SH2B3: variants seen among roughly 807,000 people sequenced by gnomAD.
SH2B3 encodes the protein SH2B adaptor protein 3.
A neutral mutation model predicts 51.9 loss-of-function variants in SH2B3; 43 were observed. The observed-to-expected ratio is 0.83, with a 90% CI of 0.65 to 1.07. SH2B3 has a LOEUF of 1.07. Ranked by LOEUF, SH2B3 falls within the 50% of genes least tolerant of loss-of-function variation. SH2B3 has a pLI of 0.00. For missense variants in SH2B3, 952 were observed against 834.3 expected (o/e 1.14, Z -1.74); for synonymous variants, 396 against 376.0 (o/e 1.05, Z -0.62).
intron 2 of SH2B3, among the ~76,000 whole-genome samples, chr12:111,437,995 G>A (rs367602572): frequency 4.6e-5 from 7 of 152,278 alleles, no homozygotes; most frequent in South Asian, 2.1e-4. Flanking sequence ...AGGCAGTTGC[G>A]TCATCAGGAA....
In SH2B3 at chr12:111,429,084, C is replaced by T. The variant is rs1872255497; in HGVS notation, c.732+10207C>T. On this transcript the variant is annotated intron_variant, in intron 2 of 7. Coordinates refer to ENST00000341259, the MANE Select transcript of SH2B3 (RefSeq NM_005475.3). This position sits in a 1 kb window ranked among gnomAD's most constrained non-coding sequence, Gnocchi z 4.4. ...AGGAGGAGGAGGGACGGCAGGAAGC[C>T]GCCTCGGGCTCTGACAGGCGCGGCC... 6.6e-6 allele frequency among the ~76,000 whole-genome samples: 1 copy of T among 151,474 alleles called. No individual in the cohort carries two copies. The highest frequency in any genetic ancestry group is 1.9e-4 in the East Asian group (1 of 5,130).
At chr12:111,425,719 G>A (rs796946978) in intron 2 of SH2B3, among the ~76,000 whole-genome samples, 15 of 152,142 alleles carry the variant, frequency 9.9e-5, no homozygotes, top group African/African-American at 3.6e-4. Context: ...GTGGGTGCAA[G>A]GGACCCTCCA....
At chr12:111,424,806 C>T (rs964171234) in intron 2 of SH2B3, among the ~76,000 whole-genome samples, 1 of 152,196 alleles carries the variant, frequency 6.6e-6, no homozygotes, top group Admixed American at 6.5e-5. Context: ...CAACTGTGAT[C>T]CCTGACCTCT....
chr12:111,417,884 T>C (rs368834105), intron 1 of SH2B3, among the ~76,000 whole-genome samples: 315 of 152,364 alleles, frequency 2.1e-3, no homozygotes, highest in African/African-American at 7.4e-3. Context: ...AATGATCATA[T>C]GGTTTTTGTA....
At chr12:111,434,954 C>T in intron 2 of SH2B3, 1 of 1,535,328 alleles carries the variant, frequency 6.5e-7, no homozygotes, top group Non-Finnish European at 8.7e-7. Flanking sequence ...CCTGGCTGTG[C>T]CAGTTGGCTG....
chr12:111,446,705 G>A, intron 2 of SH2B3, 48 bp from the exon 3 acceptor site: 1 of 1,079,690 alleles, frequency 9.3e-7, no homozygotes, highest in Non-Finnish European at 1.3e-6. Context: ...CTGGCTGGAA[G>A]AAAGAGCATC....
At position 111,414,626 on chromosome 12, in the gene SH2B3, C is replaced by T. The variant is rs543554332; in HGVS notation, c.-27-3493C>T. ...AAAACATTGTCGACTCTGCATGGCCCCCTTCCATCGAGGGCAGAGGCACCT... is the reference window on the plus strand; with the variant it reads ...AAAACATTGTCGACTCTGCATGGCCTCCTTCCATCGAGGGCAGAGGCACCT... On this transcript the variant is annotated intron_variant, in intron 1 of 7. Transcript: ENST00000341259. Among the ~76,000 whole-genome samples, 14 of 152,162 alleles carry T rather than the reference C, an allele frequency of 9.2e-5. 1 individual carries two copies. Among genetic ancestry groups the T allele is most frequent in the Middle Eastern group, 3.4e-3 (1 of 292 alleles).
At chr12:111,408,900 A>G (rs1197131100) in intron 1 of SH2B3, among the ~76,000 whole-genome samples, 1 of 152,240 alleles carries the variant, frequency 6.6e-6, no homozygotes, top group African/African-American at 2.4e-5. Context: ...TTGCTGTGAC[A>G]TGGCACATAA....
intron 2 of SH2B3, among the ~76,000 whole-genome samples, chr12:111,424,237 C>T (rs1219177447): frequency 6.6e-6 from 1 of 152,042 alleles, no homozygotes; most frequent in Admixed American, 6.6e-5. Flanking sequence ...AGTGGTATCA[C>T]CTTTCTGAGA....
Position 111,436,487 on chromosome 12 carries a change from T to A in SH2B3, c.733-10266T>A, listed in dbSNP as rs191107480. ...ACTCGAGAGTAGAAGCGTCCCACCATCCTCACAGCAGGCTGCAGGGGCCAT... is the reference window on the plus strand; with the variant it reads ...ACTCGAGAGTAGAAGCGTCCCACCAACCTCACAGCAGGCTGCAGGGGCCAT... On this transcript the variant is annotated intron_variant, in intron 2 of 7. Transcript: ENST00000341259. 1.7e-3 allele frequency among the ~76,000 whole-genome samples: 265 copies of A among 152,152 alleles called. 1 individual carries two copies. Among genetic ancestry groups the A allele is most frequent in the African/African-American group, 6.1e-3 (252 of 41,522 alleles).
At chr12:111,422,943 C>T (rs373672940) in intron 2 of SH2B3, among the ~76,000 whole-genome samples, 16 of 151,952 alleles carry the variant, frequency 1.1e-4, no homozygotes, top group Admixed American at 2.0e-4. Flanking sequence ...GTGATCTGTC[C>T]GCCTCGGCCT....
At chr12:111,425,582 C>T (rs576018604) in intron 2 of SH2B3, among the ~76,000 whole-genome samples, 107 of 152,266 alleles carry the variant, frequency 7.0e-4, no homozygotes, top group African/African-American at 2.3e-3. Flanking sequence ...GGTAGTGGAG[C>T]TGGATTGCAG....
intron 1 of SH2B3, among the ~76,000 whole-genome samples, chr12:111,412,926 G>A (rs1055241025): frequency 1.3e-5 from 2 of 152,114 alleles, no homozygotes; most frequent in Non-Finnish European, 2.9e-5. Context: ...TCATTGGTGG[G>A]TTTGGGACCT....
At chr12:111,412,948 C>T (rs1426089997) in intron 1 of SH2B3, among the ~76,000 whole-genome samples, 4 of 152,180 alleles carry the variant, frequency 2.6e-5, no homozygotes, top group Non-Finnish European at 5.9e-5. Flanking sequence ...GACAGAGCTA[C>T]TGCCGACTCC....
In SH2B3 at chr12:111,438,396, C is replaced by A. The variant is rs1593065151; in HGVS notation, c.733-8357C>A. Among the ~76,000 whole-genome samples the A allele has an allele frequency of 1.3e-5, 2 of 152,128 alleles. No homozygotes were observed. The highest frequency in any genetic ancestry group is 4.8e-5 in the African/African-American group (2 of 41,438). ...ACCTGAGCCTGCCTTTCAGCCTGCC[C>A]TCTTCCCTGGCCAGCTGGAGGGGCC... On this transcript the variant is annotated intron_variant, in intron 2 of 7. Transcript: ENST00000341259. This position sits in a 1 kb window ranked among gnomAD's most constrained non-coding sequence, Gnocchi z 4.2.
In SH2B3 at chr12:111,447,675, CAG is replaced by C; in HGVS notation, c.1259_1260del (p.Glu420AlafsTer35). The C allele has an allele frequency of 6.2e-7, 1 of 1,612,618 alleles. No homozygotes were observed. Among genetic ancestry groups the C allele is most frequent in the Non-Finnish European group, 8.5e-7 (1 of 1,179,046 alleles). ...CCACAGCACCTGCGCCTGTCGCTGA[CAG>C]AGCGGGGCCAGTGCCGTGTGCAGCA... On this transcript the variant is annotated frameshift_variant, in exon 7 of 8. Coordinates refer to ENST00000341259, the MANE Select transcript of SH2B3 (RefSeq NM_005475.3). LOFTEE classifies it high-confidence loss of function.
In SH2B3 at chr12:111,409,616, G is replaced by A. The variant is rs948853642; in HGVS notation, c.-28+3339G>A. Among the ~76,000 whole-genome samples the A allele has an allele frequency of 3.9e-5, 6 of 152,162 alleles. No homozygotes were observed. Among genetic ancestry groups the A allele is most frequent in the Admixed American group, 3.3e-4 (5 of 15,280 alleles). On this transcript the variant is annotated intron_variant, in intron 1 of 7. Coordinates refer to ENST00000341259, the MANE Select transcript of SH2B3 (RefSeq NM_005475.3). This position sits in a 1 kb window ranked among gnomAD's most constrained non-coding sequence, Gnocchi z 4.0. ...GCTGCCCAGGGGAAGTGACTCAGCC[G>A]GGGTCACTTGCTGAGTCAGGCCTTA... is the stretch of plus-strand genomic sequence containing the variant.
rs562522548 is a variant in SH2B3, at chr12:111,435,787, T to C, written c.733-10966T>C. ...TTGTGGTGGCGAGGCGCAGAAGGCGTCACCTGAAAAAGGTGTGGCCAAGGG... is the reference window on the plus strand; with the variant it reads ...TTGTGGTGGCGAGGCGCAGAAGGCGCCACCTGAAAAAGGTGTGGCCAAGGG... On this transcript the variant is annotated intron_variant, in intron 2 of 7. Coordinates refer to ENST00000341259, the MANE Select transcript of SH2B3 (RefSeq NM_005475.3). This position sits in a 1 kb window ranked among gnomAD's most constrained non-coding sequence, Gnocchi z 4.8. 1.3e-5 allele frequency among the ~76,000 whole-genome samples: 2 copies of C among 152,164 alleles called. No individual in the cohort carries two copies. The highest frequency in any genetic ancestry group is 1.3e-4 in the Admixed American group (2 of 15,284).
intron 2 of SH2B3, among the ~76,000 whole-genome samples, chr12:111,419,761 G>A (rs1871387014): frequency 6.6e-6 from 1 of 152,220 alleles, no homozygotes; most frequent in African/African-American, 2.4e-5. Context: ...TTGTAGCTAA[G>A]GAACCAGCAC....
Sources: gnomAD v4.1 joint callset for allele counts (sites outside exome capture counted in the v4.1 genomes callset) on GRCh38, gnomAD v4.1.1 for gene constraint, Gnocchi (gnomAD v3.1) non-coding constraint, MANE v1.5 for transcripts, NCBI Gene and HGNC (gene_info 2026-07-23, HGNC 2026-07-21) for gene names.